The following PRP4K variants were observed in gnomAD, a reference collection of about 807,000 sequenced individuals.
The protein encoded by PRP4K is pre-mRNA processing factor kinase PRP4K, also known as serine/threonine-protein kinase PRP4 homolog.
At chr6:4,042,417 C>T in the PRP4K span, 6 of 1,206,362 alleles carry the variant, frequency 5.0e-6, no homozygotes, top group Admixed American at 2.4e-5. Flanking sequence ...CATTTTCCTG[C>T]CTTTAACTTT....
chr6:4,056,462 G>A, the PRP4K span: 1 of 1,611,792 alleles, frequency 6.2e-7, no homozygotes, highest in Non-Finnish European at 8.5e-7. Context: ...TCTTTGACCT[G>A]GGCCATCATA....
At chr6:4,060,287 G>C in the PRP4K span, 4 of 826,310 alleles carry the variant, frequency 4.8e-6, no homozygotes, top group African/African-American at 1.7e-5. The surrounding 1 kb of genome is among the most constrained non-coding windows in gnomAD (Gnocchi z 4.7). Flanking sequence ...AATGTGCACT[G>C]TGTGTATATA....
At chr6:4,060,176 G>A in the PRP4K span, among the ~76,000 whole-genome samples, 4 of 152,142 alleles carry the variant, frequency 2.6e-5, no homozygotes, top group Non-Finnish European at 5.9e-5. This position sits in a 1 kb window ranked among gnomAD's most constrained non-coding sequence, Gnocchi z 4.7. Flanking sequence ...TTTGCAAGTG[G>A]TAAGTGTATG....
chr6:4,056,762 C>T, the PRP4K span: 3 of 1,443,288 alleles, frequency 2.1e-6, no homozygotes, highest in Non-Finnish European at 2.8e-6. Context: ...CTGATTAGCA[C>T]CTCCACCAAA....
the PRP4K span, among the ~76,000 whole-genome samples, chr6:4,036,981 G>T: frequency 2.3e-5 from 1 of 43,442 alleles, no homozygotes; most frequent in Non-Finnish European, 4.3e-5. Flanking sequence ...GTTAGACCCT[G>T]TCTCAAAAAA....
At chr6:4,044,715 A>G in the PRP4K span, among the ~76,000 whole-genome samples, 4 of 152,094 alleles carry the variant, frequency 2.6e-5, no homozygotes, top group African/African-American at 9.7e-5. Flanking sequence ...TAGAACAGGA[A>G]CCAGCAAACT....
At chr6:4,050,945 A>C in the PRP4K span, among the ~76,000 whole-genome samples, 1 of 152,142 alleles carries the variant, frequency 6.6e-6, no homozygotes, top group African/African-American at 2.4e-5. Flanking sequence ...TCTGTCACCC[A>C]GGCTGGAGTG....
chr6:4,054,273 A>G, the PRP4K span, among the ~76,000 whole-genome samples: 1 of 152,080 alleles, frequency 6.6e-6, no homozygotes, highest in African/African-American at 2.4e-5. Context: ...TAACTAAGCT[A>G]TTTAATTCAT....
the PRP4K span, chr6:4,031,969 A>T: frequency 6.2e-7 from 1 of 1,614,116 alleles, no homozygotes; most frequent in Admixed American, 1.7e-5. Flanking sequence ...GGGGAAATTC[A>T]TGAAAAGGCA....
the PRP4K span, among the ~76,000 whole-genome samples, chr6:4,054,579 T>C: frequency 2.6e-5 from 4 of 152,320 alleles, no homozygotes; most frequent in East Asian, 7.7e-4. Flanking sequence ...TGATCTCGGC[T>C]CACTGCAACC....
the PRP4K span, among the ~76,000 whole-genome samples, chr6:4,030,130 AG>A: frequency 3.7e-4 from 56 of 152,172 alleles, no homozygotes; most frequent in African/African-American, 1.3e-3. Flanking sequence ...TTTAGTAGAG[AG>A]GGGGTTTCCC....
At chr6:4,024,852 C>G in the PRP4K span, among the ~76,000 whole-genome samples, 14 of 152,302 alleles carry the variant, frequency 9.2e-5, no homozygotes, top group South Asian at 2.1e-4. Context: ...ATCCGCCAGT[C>G]TCAGCCTCCC....
chr6:4,021,630 G>A, the PRP4K span, among the ~76,000 whole-genome samples: 1 of 152,210 alleles, frequency 6.6e-6, no homozygotes, highest in African/African-American at 2.4e-5. Flanking sequence ...GGCGGCCTTC[G>A]AGCTTCCTTC....
the PRP4K span, among the ~76,000 whole-genome samples, chr6:4,033,217 T>A: frequency 1.3e-5 from 2 of 152,226 alleles, no homozygotes; most frequent in Admixed American, 1.3e-4. Flanking sequence ...ATTTTAACAG[T>A]ATAAATAGAA....
the PRP4K span, among the ~76,000 whole-genome samples, chr6:4,027,464 C>T: frequency 2.6e-5 from 4 of 152,094 alleles, no homozygotes; most frequent in African/African-American, 9.7e-5. Flanking sequence ...TAGTTTGACT[C>T]CAGAATCTAT....
At chr6:4,023,307 G>A in the PRP4K span, among the ~76,000 whole-genome samples, 1 of 152,160 alleles carries the variant, frequency 6.6e-6, no homozygotes, top group Non-Finnish European at 1.5e-5. Flanking sequence ...GCTCCCTGAA[G>A]GCTTTAATTC....
chr6:4,057,411 A>G, the PRP4K span, among the ~76,000 whole-genome samples: 1 of 152,232 alleles, frequency 6.6e-6, no homozygotes, highest in Non-Finnish European at 1.5e-5. Flanking sequence ...ATGGACAGAG[A>G]GCAGCAATAT....
the PRP4K span, chr6:4,057,311 C>A: frequency 1.1e-6 from 1 of 944,024 alleles, no homozygotes; most frequent in Non-Finnish European, 1.6e-6. Flanking sequence ...AGATGGCTAT[C>A]ATGATTTCTT....
the PRP4K span, chr6:4,051,963 G>A: frequency 6.5e-7 from 1 of 1,546,478 alleles, no homozygotes; most frequent in African/African-American, 1.4e-5. Flanking sequence ...TTAGGCAAAA[G>A]ACTGGTTTAA....
Sources: allele counts gnomAD v4.1 joint callset (sites outside exome capture counted in the v4.1 genomes callset), GRCh38; gene constraint gnomAD v4.1.1; non-coding constraint Gnocchi (gnomAD v3.1); transcripts MANE v1.5; gene names NCBI Gene and HGNC (gene_info 2026-07-23, HGNC 2026-07-21).